The following LRRTM4 variants were observed in gnomAD, a reference collection of about 807,000 sequenced individuals.
LRRTM4 encodes leucine-rich repeat transmembrane neuronal protein 4.
A neutral mutation model predicts 47.6 loss-of-function variants in LRRTM4; 25 were observed. That is an observed-to-expected ratio of 0.53 (90% confidence interval 0.38 to 0.73). LRRTM4 has a LOEUF of 0.73. Ranked by LOEUF, LRRTM4 falls within the 30% of genes least tolerant of loss-of-function variation. The pLI is 0.00. For missense variants in LRRTM4, 638 were observed against 713.4 expected, an observed-to-expected ratio of 0.89 and a Z score of 1.20; for synonymous variants, 311 against 269.5, an observed-to-expected ratio of 1.15 and a Z score of -1.51.
rs1045556919 is a variant in LRRTM4 at position 76,861,256 on chromosome 2, A to T, written c.1552-112340T>A. On this transcript the variant is annotated intron_variant, in intron 3 of 3. Transcript: ENST00000409884. ...TTCTTTATATTCATTCTTGTATTCT[A>T]AAATTCCAGGAATGCAGAAGACTAT... Among the ~76,000 whole-genome samples the T allele has an allele frequency of 2.6e-5, 4 of 152,324 alleles. No individual in the cohort carries two copies. In the South Asian group the frequency reaches 8.3e-4, roughly 32 times the overall value.
intron 3 of LRRTM4, among the ~76,000 whole-genome samples, chr2:76,821,332 G>A (rs1220946843): frequency 6.6e-6 from 1 of 151,630 alleles, no homozygotes; most frequent in East Asian, 1.9e-4. Flanking sequence ...CATATGTCTG[G>A]CTCCCTTCAA....
At chr2:77,412,727 A>G (rs76075305) in intron 3 of LRRTM4, among the ~76,000 whole-genome samples, 8,929 of 152,278 alleles carry the variant, frequency 0.059, 896 homozygotes, top group African/African-American at 0.2. Context: ...TTTCAATATT[A>G]TTCCACACTT....
chr2:77,232,703 T>C (rs1674998883), intron 3 of LRRTM4, among the ~76,000 whole-genome samples: 1 of 152,226 alleles, frequency 6.6e-6, no homozygotes, highest in Admixed American at 6.5e-5. Flanking sequence ...TAAAGAGCAC[T>C]ATGAACGTAT....
At chr2:77,028,147 G>A (rs578065649) in intron 3 of LRRTM4, among the ~76,000 whole-genome samples, 1 of 151,950 alleles carries the variant, frequency 6.6e-6, no homozygotes, top group East Asian at 1.9e-4. Context: ...AAATTCAGTT[G>A]GAAAAAGTAA....
chr2:77,340,785 A>T (rs964905401), intron 3 of LRRTM4, among the ~76,000 whole-genome samples: 7 of 151,912 alleles, frequency 4.6e-5, no homozygotes, highest in African/African-American at 1.7e-4. Flanking sequence ...TTGACACTAC[A>T]AGTTGTTTAA....
At chr2:77,084,366 G>A (rs987733315) in intron 3 of LRRTM4, among the ~76,000 whole-genome samples, 1 of 152,174 alleles carries the variant, frequency 6.6e-6, no homozygotes, top group South Asian at 2.1e-4. Flanking sequence ...ATCAGCCTAC[G>A]TCCTGAGGAC....
At chr2:76,815,087 G>A (rs776767528) in intron 3 of LRRTM4, among the ~76,000 whole-genome samples, 3 of 151,666 alleles carry the variant, frequency 2.0e-5, no homozygotes, top group Non-Finnish European at 4.4e-5. Context: ...TCTGCCTTTC[G>A]AAACACAGGA....
chr2:76,965,724 T>A (rs913789862), intron 3 of LRRTM4, among the ~76,000 whole-genome samples: 10 of 151,426 alleles, frequency 6.6e-5, no homozygotes, highest in African/African-American at 2.4e-4. Context: ...CACTGTAACA[T>A]GTTCTAACTG....
At chr2:77,029,471 A>AAGCATGC (rs11282447) in intron 3 of LRRTM4, among the ~76,000 whole-genome samples, 5,056 of 152,184 alleles carry the variant, frequency 0.033, 248 homozygotes, top group African/African-American at 0.11. Context: ...CGAGAGCAGG[A>AAGCATGC]AGCATGCAGC....
intron 3 of LRRTM4, among the ~76,000 whole-genome samples, chr2:77,036,621 C>T (rs892175935): frequency 4.6e-5 from 7 of 151,640 alleles, no homozygotes; most frequent in South Asian, 2.1e-4. Flanking sequence ...TAAAATATTA[C>T]GTATTCTGTG....
intron 3 of LRRTM4, among the ~76,000 whole-genome samples, chr2:77,498,543 CA>C (rs1360522982): frequency 6.6e-6 from 1 of 151,784 alleles, no homozygotes; most frequent in Non-Finnish European, 1.5e-5. Flanking sequence ...CAAACAAGCA[CA>C]GTAATAGTCC....
chr2:77,255,338 A>C (rs1300133507), intron 3 of LRRTM4, among the ~76,000 whole-genome samples: 1 of 152,018 alleles, frequency 6.6e-6, no homozygotes, highest in Non-Finnish European at 1.5e-5. Context: ...TTCCACTCCC[A>C]TCTCTCAAGC....
intron 3 of LRRTM4, among the ~76,000 whole-genome samples, chr2:77,072,829 G>A (rs1186221703): frequency 1.5e-5 from 2 of 133,440 alleles, no homozygotes; most frequent in African/African-American, 2.8e-5. Context: ...AAAAACAAAG[G>A]CTGCCTTACA....
intron 3 of LRRTM4, among the ~76,000 whole-genome samples, chr2:77,221,423 G>A (rs1674628627): frequency 6.6e-6 from 1 of 152,280 alleles, no homozygotes; most frequent in African/African-American, 2.4e-5. Flanking sequence ...ATTGGATAAA[G>A]AGTCAAGACC....
chr2:77,083,568 CTG>C (rs1680600138), intron 3 of LRRTM4, among the ~76,000 whole-genome samples: 1 of 152,128 alleles, frequency 6.6e-6, no homozygotes, highest in South Asian at 2.1e-4. Flanking sequence ...CAGTCAGATA[CTG>C]TGTCTGAATA....
intron 3 of LRRTM4, among the ~76,000 whole-genome samples, chr2:76,816,118 T>TCCTCCCACC (rs1319991711): frequency 6.6e-6 from 1 of 152,060 alleles, no homozygotes; most frequent in Non-Finnish European, 1.5e-5. Context: ...CTTTCCTGTG[T>TCCTCCCACC]TTACCTGGAG....
At chr2:77,468,742 C>T (rs113448770) in intron 3 of LRRTM4, among the ~76,000 whole-genome samples, 1,914 of 152,212 alleles carry the variant, frequency 0.013, 33 homozygotes, top group African/African-American at 0.044. Flanking sequence ...TCTCTCCCTG[C>T]TCTCCTCCTG....
At chr2:76,922,741 G>A (rs1230332291) in intron 3 of LRRTM4, among the ~76,000 whole-genome samples, 1 of 152,052 alleles carries the variant, frequency 6.6e-6, no homozygotes, top group Admixed American at 6.6e-5. Context: ...TATACTTAAA[G>A]TTTGCTTAAG....
chr2:77,234,337 C>T (rs983624026), intron 3 of LRRTM4, among the ~76,000 whole-genome samples: 2 of 152,132 alleles, frequency 1.3e-5, no homozygotes, highest in Admixed American at 6.6e-5. Flanking sequence ...GTTGATTTAA[C>T]TCCTTGGAAA....
Sources: gnomAD v4.1 joint callset for allele counts (sites outside exome capture counted in the v4.1 genomes callset) on GRCh38, gnomAD v4.1.1 for gene constraint, MANE v1.5 for transcripts, NCBI Gene and HGNC (gene_info 2026-07-23, HGNC 2026-07-21) for gene names.